Variants in AGPAT4 observed in about 807,000 individuals in gnomAD.
AGPAT4 encodes 1-acyl-sn-glycerol-3-phosphate acyltransferase delta.
A neutral mutation model predicts 48.0 loss-of-function variants in AGPAT4; 15 were observed. The observed-to-expected ratio is 0.31, with a 90% CI of 0.21 to 0.48. The LOEUF is 0.48. AGPAT4 is among the 20% of genes least tolerant of loss of function. AGPAT4 has a pLI of 0.99. For missense variants in AGPAT4, 314 were observed against 482.5 expected, an observed-to-expected ratio of 0.65 and a Z score of 3.27; for synonymous variants, 178 against 198.7, an observed-to-expected ratio of 0.90 and a Z score of 0.88.
chr6:161,182,124 T>C lies in AGPAT4; in HGVS notation c.179-15707A>G, dbSNP rs1780615207. Among the ~76,000 whole-genome samples the C allele has an allele frequency of 2.6e-5, 4 of 152,052 alleles. No individual in the cohort carries two copies. The South Asian group carries it at 6.2e-4, about 24-fold the overall frequency. On this transcript the variant is annotated intron_variant, in intron 2 of 8. Coordinates refer to ENST00000320285, the MANE Select transcript of AGPAT4 (RefSeq NM_020133.3). ...GCAGCAGGGCAAAGCAGATTCTTGA[T>C]GACACCAGTGCTCAGCACAGCCCAG...
chr6:161,263,152 A>G (rs1783153741), intron 1 of AGPAT4, among the ~76,000 whole-genome samples: 2 of 29,556 alleles, frequency 6.8e-5, no homozygotes, highest in Non-Finnish European at 1.1e-4. Context: ...CCACCCCACC[A>G]CCAAGATTCC....
Position 161,232,426 on chromosome 6 carries a change from C to A in AGPAT4, c.-89-124G>T, listed in dbSNP as rs1284753579. The A allele has an allele frequency of 1.9e-6, 1 of 523,902 alleles. No individual in the cohort carries two copies. Among genetic ancestry groups the A allele is most frequent in the Non-Finnish European group, 3.4e-6 (1 of 294,426 alleles). The allele number at this position is 523,902 out of a possible 1,614,324, so 32.5% of individuals were successfully genotyped here. ...AACTCATGTGCGTTAGTTGATTTAT[C>A]TTTATTTTGCAAACATTGATGTAGT... On this transcript the variant is annotated intron_variant, in intron 1 of 8. Transcript: ENST00000320285. The surrounding 1 kb of genome is among the most constrained non-coding windows in gnomAD (Gnocchi z 6.8).
rs1562308670 is a variant in AGPAT4 at position 161,139,474 on chromosome 6, G to C, written c.990C>G (p.Ile330Met). ...CCAGCGTCAGGGAAGACCCGCTCCT[G>C]ATCATGCTGACCAGGAACTGGAAGA... ...YPFFQFLVSM[I>M]RSGSSLTLAS... The change falls in exon 8 of 9, where the codon ATC (isoleucine) becomes ATG (methionine). Residue 330 changes from isoleucine to methionine, a missense_variant. Physicochemically the swap from Ile to Met is conservative, Grantham distance 10 (BLOSUM62 1). Transcript: ENST00000320285. This position sits in a 1 kb window ranked among gnomAD's most constrained non-coding sequence, Gnocchi z 9.1. 1.2e-6 allele frequency: 2 copies of C among 1,614,098 alleles called. No homozygotes were observed. Among genetic ancestry groups the C allele is most frequent in the Non-Finnish European group, 1.7e-6 (2 of 1,180,012 alleles).
chr6:161,258,669 C>A (rs933101614), intron 1 of AGPAT4, among the ~76,000 whole-genome samples: 2 of 151,940 alleles, frequency 1.3e-5, no homozygotes, highest in Non-Finnish European at 2.9e-5. Context: ...CCCCACTCCC[C>A]GCAAAAAACA....
intron 2 of AGPAT4, among the ~76,000 whole-genome samples, chr6:161,207,230 AG>A (rs1167244613): frequency 5.3e-5 from 8 of 152,368 alleles, no homozygotes; most frequent in South Asian, 2.1e-4. Flanking sequence ...ACTGCTTAAA[AG>A]TAGTAATGAA....
At chr6:161,269,535 G>A (rs9458175) in intron 1 of AGPAT4, among the ~76,000 whole-genome samples, 15,742 of 152,186 alleles carry the variant, frequency 0.1, 1,151 homozygotes, top group Non-Finnish European at 0.15. Context: ...CAGCTGCTGG[G>A]GGAGGGGGGC....
chr6:161,140,703 C>T lies in AGPAT4; in HGVS notation c.844-1083G>A, dbSNP rs1779222414. On this transcript the variant is annotated intron_variant, in intron 7 of 8. Transcript: ENST00000320285. The surrounding 1 kb of genome is among the most constrained non-coding windows in gnomAD (Gnocchi z 6.5). ...AGGAGCTGTGGCACCAGGATGCCCG[C>T]TGGCCCGTCTAAGGGCAGGTCCTGG... Among the ~76,000 whole-genome samples, 1 of 152,224 alleles carries T rather than the reference C, an allele frequency of 6.6e-6. No homozygotes were observed. The highest frequency in any genetic ancestry group is 2.1e-4 in the South Asian group (1 of 4,834).
chr6:161,134,785 A>G lies in AGPAT4; in HGVS notation c.*1755T>C, dbSNP rs1779012372. 1 of 152,328 alleles carries G rather than the reference A, an allele frequency of 6.6e-6. No homozygotes were observed. The highest frequency in any genetic ancestry group is 2.1e-4 in the South Asian group (1 of 4,832). 9.4% of individuals were successfully genotyped at this position (152,328 alleles called of 1,614,324 possible). ...ACTTCTCCAAGGACCCCTCTTGCCT[A>G]AGGTCACGTCCTGGGCTTTTGCCCA... On this transcript the variant is annotated 3_prime_UTR_variant, in exon 9 of 9. Transcript: ENST00000320285.
Position 161,133,961 on chromosome 6 carries a change from C to T in AGPAT4, c.*2579G>A, listed in dbSNP as rs1211944807. The T allele has an allele frequency of 1.3e-5, 2 of 152,158 alleles. No individual in the cohort carries two copies. The highest frequency in any genetic ancestry group is 1.9e-4 in the East Asian group (1 of 5,202). 9.4% of individuals were successfully genotyped at this position (152,158 alleles called of 1,614,324 possible). A position where few individuals can be genotyped will look rare whatever the true frequency, so the allele number is the denominator to read the frequency against. ...TGTGTGCTGAGGAGATGGTGACCTC[C>T]GTGTGACCTGAACATGGGTGAAGGT... On this transcript the variant is annotated 3_prime_UTR_variant, in exon 9 of 9. Transcript: ENST00000320285.
At chr6:161,179,046 G>C (rs1780509013) in intron 2 of AGPAT4, among the ~76,000 whole-genome samples, 1 of 152,204 alleles carries the variant, frequency 6.6e-6, no homozygotes, top group Admixed American at 6.5e-5. Context: ...ACCATTGCTT[G>C]CTATTTAACC....
At position 161,221,548 on chromosome 6, in the gene AGPAT4, T is replaced by C. The variant is rs1318184482; in HGVS notation, c.178+10488A>G. Reference sequence around the variant, plus strand: ...TTTATCACGAAACTGGACTTCACTTTGGACTTCACCACCACAGTAGAAGAA... The same window carrying C: ...TTTATCACGAAACTGGACTTCACTTCGGACTTCACCACCACAGTAGAAGAA... On this transcript the variant is annotated intron_variant, in intron 2 of 8. Coordinates refer to ENST00000320285, the MANE Select transcript of AGPAT4 (RefSeq NM_020133.3). The surrounding 1 kb of genome is among the most constrained non-coding windows in gnomAD (Gnocchi z 4.5). Among the ~76,000 whole-genome samples, 1 of 152,216 alleles carries C rather than the reference T, an allele frequency of 6.6e-6. No homozygotes were observed. The highest frequency in any genetic ancestry group is 1.5e-5 in the Non-Finnish European group (1 of 68,040).
rs1409609806 is a variant in AGPAT4 at position 161,136,103 on chromosome 6, TC to T, written c.*436del. On this transcript the variant is annotated 3_prime_UTR_variant, in exon 9 of 9. Coordinates refer to ENST00000320285, the MANE Select transcript of AGPAT4 (RefSeq NM_020133.3). ...CCAGAAAAGCACTTTAATTTTTTTT[TC>T]TTGGAGGCATAATTTAGTCATCTCA... The T allele has an allele frequency of 2.4e-5, 4 of 168,422 alleles. No individual in the cohort carries two copies. The highest frequency in any genetic ancestry group is 9.6e-5 in the African/African-American group (4 of 41,672). 10.4% of individuals were successfully genotyped at this position (168,422 alleles called of 1,614,324 possible).
In AGPAT4 at chr6:161,196,940, G is replaced by A. The variant is rs1243391345; in HGVS notation, c.179-30523C>T. Among the ~76,000 whole-genome samples the A allele has an allele frequency of 2.0e-5, 3 of 152,028 alleles. No individual in the cohort carries two copies. The highest frequency in any genetic ancestry group is 2.9e-5 in the Non-Finnish European group (2 of 68,006). On this transcript the variant is annotated intron_variant, in intron 2 of 8. Transcript: ENST00000320285. The surrounding 1 kb of genome is among the most constrained non-coding windows in gnomAD (Gnocchi z 4.3). ...ACATTTGGGCACTTACTGGGTGCCC[G>A]GAACTGCTCCAGGCACTGGGGAAGT...
chr6:161,204,984 T>C lies in AGPAT4; in HGVS notation c.178+27052A>G, dbSNP rs1781342076. Among the ~76,000 whole-genome samples, 1 of 152,134 alleles carries C rather than the reference T, an allele frequency of 6.6e-6. No homozygotes were observed. The highest frequency in any genetic ancestry group is 6.5e-5 in the Admixed American group (1 of 15,276). On this transcript the variant is annotated intron_variant, in intron 2 of 8. Transcript: ENST00000320285. This position sits in a 1 kb window ranked among gnomAD's most constrained non-coding sequence, Gnocchi z 4.4. ...CATGACGCTGTTGATGAAAAGACACTGGACAGAAACCAGGAAGGAAGCCAG... is the reference window on the plus strand; with the variant it reads ...CATGACGCTGTTGATGAAAAGACACCGGACAGAAACCAGGAAGGAAGCCAG...
At chr6:161,271,964 C>T (rs1458426426) in intron 1 of AGPAT4, among the ~76,000 whole-genome samples, 4 of 152,160 alleles carry the variant, frequency 2.6e-5, no homozygotes, top group East Asian at 3.8e-4. Context: ...ACAATCCAAC[C>T]GTTTCTCTGT....
At position 161,219,778 on chromosome 6, in the gene AGPAT4, C is replaced by T. The variant is rs1046948665; in HGVS notation, c.178+12258G>A. On this transcript the variant is annotated intron_variant, in intron 2 of 8. Transcript: ENST00000320285. The surrounding 1 kb of genome is among the most constrained non-coding windows in gnomAD (Gnocchi z 4.9). ...AAATTCCCTATTTAAAACGTAAGGT[C>T]ATTTCTTGTACCAGGGACACAGATT... is the stretch of plus-strand genomic sequence containing the variant. Among the ~76,000 whole-genome samples, 1 of 151,212 alleles carries T rather than the reference C, an allele frequency of 6.6e-6. No homozygotes were observed. The highest frequency in any genetic ancestry group is 2.4e-5 in the African/African-American group (1 of 40,834).
In AGPAT4 at chr6:161,270,245, G is replaced by A. The variant is rs558076272; in HGVS notation, c.-90+3693C>T. ...GTTGAAGAAAGAGTTCATGCTTTAA[G>A]CTTCCTCTTTCCTACAGCCTGGCAG... On this transcript the variant is annotated intron_variant, in intron 1 of 8. Transcript: ENST00000320285. The surrounding 1 kb of genome is among the most constrained non-coding windows in gnomAD (Gnocchi z 5.3). 6.6e-6 allele frequency among the ~76,000 whole-genome samples: 1 copy of A among 152,294 alleles called. No homozygotes were observed. Among genetic ancestry groups the A allele is most frequent in the South Asian group, 2.1e-4 (1 of 4,812 alleles).
Position 161,219,309 on chromosome 6 carries a change from T to A in AGPAT4, c.178+12727A>T, listed in dbSNP as rs560473092. On this transcript the variant is annotated intron_variant, in intron 2 of 8. Coordinates refer to ENST00000320285, the MANE Select transcript of AGPAT4 (RefSeq NM_020133.3). The surrounding 1 kb of genome is among the most constrained non-coding windows in gnomAD (Gnocchi z 4.9). ...AACTTTTATATATGTAAAATTTGTATTTTATATAATTTAAAAAATATATAA... is the reference window on the plus strand; with the variant it reads ...AACTTTTATATATGTAAAATTTGTAATTTATATAATTTAAAAAATATATAA... Among the ~76,000 whole-genome samples the A allele has an allele frequency of 1.1e-4, 17 of 152,134 alleles. No individual in the cohort carries two copies. In the East Asian group the frequency reaches 2.9e-3, roughly 26 times the overall value.
chr6:161,187,324 T>G (rs1266720864), intron 2 of AGPAT4, among the ~76,000 whole-genome samples: 1 of 152,158 alleles, frequency 6.6e-6, no homozygotes, highest in Non-Finnish European at 1.5e-5. Flanking sequence ...GGTCTTGTCT[T>G]GTTCATTTCG....
Sources: allele counts gnomAD v4.1 joint callset (sites outside exome capture counted in the v4.1 genomes callset), GRCh38; gene constraint gnomAD v4.1.1; non-coding constraint Gnocchi (gnomAD v3.1); transcripts MANE v1.5; gene names NCBI Gene and HGNC (gene_info 2026-07-23, HGNC 2026-07-21).